Variants in CTAGE1 observed in about 807,000 individuals in gnomAD.
CTAGE1 encodes the protein cTAGE family member 2.
For missense variants in CTAGE1, 963 were observed against 855.9 expected, an observed-to-expected ratio of 1.13 and a Z score of -1.56; for synonymous variants, 332 against 302.8, an observed-to-expected ratio of 1.10 and a Z score of -1.00.
rs373783585 is a variant in CTAGE1, at chr18:22,416,093, C to G, written c.1719G>C (p.Arg573Ser). 6.2e-7 allele frequency: 1 copy of G among 1,613,926 alleles called. No homozygotes were observed. The highest frequency in any genetic ancestry group is 1.7e-5 in the Admixed American group (1 of 60,024). Residue 573 changes from arginine (R) to serine (S), a missense_variant, in exon 1 of 1, where the codon AGG (arginine) becomes AGC (serine). By Grantham distance (110) the Arg-to-Ser change is moderately radical. Coordinates refer to ENST00000391403, the MANE Select transcript of CTAGE1 (RefSeq NM_172241.3). The part of the protein sequence containing the change: ...PLAPPWEQDY[R>S]MMFPPPGQSY... ...ATTGTCCTGGTGGAGGAAACATCAT[C>G]CTATAGTCCTGTTCCCACGGAGGTG...
In CTAGE1 at chr18:22,415,730, T is replaced by C. The variant is rs751633974; in HGVS notation, c.2082A>G (p.Gly694=). Residue 694 remains glycine (G), a synonymous_variant, in exon 1 of 1, where the codon GGA becomes GGG. Coordinates refer to ENST00000391403, the MANE Select transcript of CTAGE1 (RefSeq NM_172241.3). ...RGPPFPPPPP[G]TVFGASPDYF... ...AATCTGGAGAAGCTCCAAACACGGT[T>C]CCTGGAGGAGGTGGGGGGAAAGGAG... 5 of 1,614,042 alleles carry C rather than the reference T, an allele frequency of 3.1e-6. No individual in the cohort carries two copies. Among genetic ancestry groups the C allele is most frequent in the Non-Finnish European group, 4.2e-6 (5 of 1,179,978 alleles).
In CTAGE1 at chr18:22,416,967, G is replaced by A. The variant is rs201580348; in HGVS notation, c.845C>T (p.Ala282Val). 1 of 1,613,978 alleles carries A rather than the reference G, an allele frequency of 6.2e-7. No homozygotes were observed. The highest frequency in any genetic ancestry group is 1.1e-5 in the South Asian group (1 of 91,070). The change falls in exon 1 of 1, where the codon GCT (alanine) becomes GTT (valine). Residue 282 changes from alanine to valine, a missense_variant. Transcript: ENST00000391403. Reference protein sequence around the residue: ...GAYLDNPPKGALKKLIHAAKL... With the variant: ...GAYLDNPPKGVLKKLIHAAKL... ...AGCAGCATGAATCAGTTTCTTCAAA[G>A]CTCCTTTTGGAGGATTATCTAAGTA... is the stretch of plus-strand genomic sequence containing the variant.
rs761505835 is a variant in CTAGE1, at chr18:22,415,585, G to A, written c.2227C>T (p.Pro743Ser). The change falls in exon 1 of 1, where the codon CCC (proline) becomes TCC (serine). Residue 743 changes from proline to serine, a missense_variant. Physicochemically the swap from Pro to Ser is moderately conservative, Grantham distance 74. Transcript: ENST00000391403. ...AACTCATTCTACCTTCAGAATGTGGGGGCTGGGGGGAAAAATGCAGGTCTT... is the reference window on the plus strand; with the variant it reads ...AACTCATTCTACCTTCAGAATGTGGAGGCTGGGGGGAAAAATGCAGGTCTT... The part of the protein sequence containing the change: ...PPRPAFFPPA[P>S]TF 22 of 1,602,618 alleles carry A rather than the reference G, an allele frequency of 1.4e-5. No homozygotes were observed. In the African/African-American group the frequency reaches 2.0e-4, roughly 15 times the overall value.
In CTAGE1 at chr18:22,417,070, C is replaced by A; in HGVS notation, c.742G>T (p.Val248Phe). 4 of 1,613,970 alleles carry A rather than the reference C, an allele frequency of 2.5e-6. No homozygotes were observed. Among genetic ancestry groups the A allele is most frequent in the Non-Finnish European group, 2.5e-6 (3 of 1,179,860 alleles). The stretch of plus-strand genomic sequence containing the variant: ...GTTACATCTTCTTCAAGCATAGCAA[C>A]CCCATCTTTCATCTTTAGCAAGCGT... ...TERLLKMKDG[V>F]AMLEEDVTDD... is the part of the protein sequence containing the mutation. Residue 248 changes from valine (V) to phenylalanine (F), a missense_variant, in exon 1 of 1, where the codon GTT becomes TTT. Physicochemically the swap from Val to Phe is conservative, Grantham distance 50. Coordinates refer to ENST00000391403, the MANE Select transcript of CTAGE1 (RefSeq NM_172241.3).
Position 22,417,722 on chromosome 18 carries a change from C to G in CTAGE1, c.90G>C (p.Trp30Cys). The G allele has an allele frequency of 6.2e-7, 1 of 1,614,156 alleles. No individual in the cohort carries two copies. Among genetic ancestry groups the G allele is most frequent in the South Asian group, 1.1e-5 (1 of 91,076 alleles). Residue 30 changes from tryptophan (W) to cysteine (C), a missense_variant, in exon 1 of 1, where the codon TGG becomes TGC. Physicochemically the swap from Trp to Cys is radical, Grantham distance 215 (BLOSUM62 -2). Coordinates refer to ENST00000391403, the MANE Select transcript of CTAGE1 (RefSeq NM_172241.3). ...VAGFFAVLFL[W>C]RSFRSVTSRL... ...GACTCGTAACTGATCTAAAACTTCT[C>G]CACAAGAAGAGAACAGCAAAAAATC...
rs768556331 is a variant in CTAGE1, at chr18:22,415,635, C to G, written c.2177G>C (p.Arg726Thr). 2.5e-6 allele frequency: 4 copies of G among 1,613,926 alleles called. No homozygotes were observed. The highest frequency in any genetic ancestry group is 2.7e-5 in the African/African-American group (2 of 74,886). Residue 726 changes from arginine (R) to threonine (T), a missense_variant, in exon 1 of 1, where the codon AGA becomes ACA. By Grantham distance (71) the Arg-to-Thr change is moderately conservative. Transcript: ENST00000391403. ...TGGGGGACGGTAAGGAAGAAAACCT[C>G]TCGGTAAATAGACATTTCTCATTGC... ...PFAMRNVYLP[R>T]GFLPYRPPRP... is the part of the protein sequence containing the mutation.
At position 22,415,766 on chromosome 18, in the gene CTAGE1, T is replaced by C. The variant is rs61747183; in HGVS notation, c.2046A>G (p.Ile682Met). The change falls in exon 1 of 1, where the codon ATA (isoleucine) becomes ATG (methionine). Residue 682 changes from isoleucine (I) to methionine (M), a missense_variant. By Grantham distance (10) the Ile-to-Met change is conservative. Transcript: ENST00000391403. ...LFPVDTRGPF[I>M]RRGPPFPPPP... is the part of the protein sequence containing the mutation. The stretch of plus-strand genomic sequence containing the variant: ...GTGGGGGGAAAGGAGGTCCTCTTCT[T>C]ATGAACGGGCCCCTTGTATCTACTG... 8,122 of 1,612,830 alleles carry C rather than the reference T, an allele frequency of 5.0e-3. 144 individuals are homozygous for C. The African/African-American group carries it at 0.052, about 10-fold the overall frequency.
Position 22,417,249 on chromosome 18 carries a change from A to G in CTAGE1, c.563T>C (p.Leu188Pro). Residue 188 changes from leucine (L) to proline (P), a missense_variant, in exon 1 of 1, where the codon CTT becomes CCT. Coordinates refer to ENST00000391403, the MANE Select transcript of CTAGE1 (RefSeq NM_172241.3). ...CAAAAGCTGTTTCTGGCTTTCCTGA[A>G]GTTCAGAATTTTCTTTCCAAGCATC... ...IQDAWKENSELQESQKQLLQE... is the reference protein window; with the variant it reads ...IQDAWKENSEPQESQKQLLQE... 6.2e-7 allele frequency: 1 copy of G among 1,613,888 alleles called. No individual in the cohort carries two copies. Among genetic ancestry groups the G allele is most frequent in the South Asian group, 1.1e-5 (1 of 91,070 alleles).
At position 22,417,900 on chromosome 18, in the gene CTAGE1, G is replaced by C; in HGVS notation, c.-89C>G. The C allele has an allele frequency of 7.8e-7, 1 of 1,288,346 alleles. No individual in the cohort carries two copies. Among genetic ancestry groups the C allele is most frequent in the Non-Finnish European group, 1.1e-6 (1 of 900,766 alleles). 79.8% of individuals were successfully genotyped at this position (1,288,346 alleles called of 1,614,324 possible). A position where few individuals can be genotyped will look rare whatever the true frequency, so the allele number is the denominator to read the frequency against. ...AGGGTTAGCCCTAGGCTCCTCCGTA[G>C]CGCCAAGGCTGCTCTGGCGGTTGCT... On this transcript the variant is annotated 5_prime_UTR_variant, in exon 1 of 1. Transcript: ENST00000391403.
Position 22,416,744 on chromosome 18 carries a change from A to G in CTAGE1, c.1068T>C (p.Thr356=). The part of the protein sequence containing the change: ...QKLQQKLKVM[T]ELYQENEMKL... ...TCATTTCATTTTCTTGATATAATTC[A>G]GTCATTACTTTAAGTTTCTGCTGAA... Residue 356 remains threonine, a synonymous_variant, in exon 1 of 1, where the codon ACT becomes ACC. Transcript: ENST00000391403. 6.2e-7 allele frequency: 1 copy of G among 1,612,590 alleles called. No homozygotes were observed. Among genetic ancestry groups the G allele is most frequent in the South Asian group, 1.1e-5 (1 of 90,596 alleles).
rs762974650 is a variant in CTAGE1 at position 22,417,702 on chromosome 18, G to C, written c.110C>G (p.Thr37Arg). The C allele has an allele frequency of 6.2e-7, 1 of 1,614,076 alleles. No homozygotes were observed. Residue 37 changes from threonine to arginine, a missense_variant, in exon 1 of 1, where the codon ACG becomes AGG. Thr to Arg is a moderately conservative substitution (Grantham distance 71). Transcript: ENST00000391403. Reference sequence around the variant, plus strand: ...CTCTCTTCTCACATAAAGCCGACTCGTAACTGATCTAAAACTTCTCCACAA... The same window carrying C: ...CTCTCTTCTCACATAAAGCCGACTCCTAACTGATCTAAAACTTCTCCACAA... ...LFLWRSFRSV[T>R]SRLYVRREKK... is the part of the protein sequence containing the mutation.
At position 22,415,590 on chromosome 18, in the gene CTAGE1, G is replaced by C. The variant is rs1283931790; in HGVS notation, c.2222C>G (p.Pro741Arg). ...YRPPRPAFFP[P>R]APTF The stretch of plus-strand genomic sequence containing the variant: ...ATTCTACCTTCAGAATGTGGGGGCT[G>C]GGGGGAAAAATGCAGGTCTTGGGGG... The change falls in exon 1 of 1, where the codon CCA (proline) becomes CGA (arginine). Residue 741 changes from proline (P) to arginine (R), a missense_variant. Transcript: ENST00000391403. 6.2e-7 allele frequency: 1 copy of C among 1,601,250 alleles called. No individual in the cohort carries two copies. Among genetic ancestry groups the C allele is most frequent in the African/African-American group, 1.3e-5 (1 of 74,388 alleles).
chr18:22,415,246 A>C lies in CTAGE1; in HGVS notation c.*328T>G, dbSNP rs537321940. 7.7e-6 allele frequency: 2 copies of C among 258,266 alleles called. No homozygotes were observed. Among genetic ancestry groups the C allele is most frequent in the African/African-American group, 2.2e-5 (1 of 44,968 alleles). 16.0% of individuals were successfully genotyped at this position (258,266 alleles called of 1,614,324 possible). A position where few individuals can be genotyped will look rare whatever the true frequency, so the allele number is the denominator to read the frequency against. ...GCAAGATTACATATATAAAGCTCCC[A>C]CCATTCTTTATATAATAGTGGATTA... On this transcript the variant is annotated 3_prime_UTR_variant, in exon 1 of 1. Coordinates refer to ENST00000391403, the MANE Select transcript of CTAGE1 (RefSeq NM_172241.3).
chr18:22,416,633 AT>A lies in CTAGE1; in HGVS notation c.1178del (p.His393LeufsTer54). ...GGTAGGTCTCCAGCTCTTCAGTGGC[AT>A]GGCTGATCATTTCGTCTACTTTAGA... The part of the protein sequence containing the change: ...KLSKVDEMIS[H>X]ATEELETYRK... On this transcript the variant is annotated frameshift_variant, in exon 1 of 1. Coordinates refer to ENST00000391403, the MANE Select transcript of CTAGE1 (RefSeq NM_172241.3). LOFTEE classifies it low-confidence loss of function (END_TRUNC). 1.9e-6 allele frequency: 3 copies of A among 1,613,804 alleles called. No individual in the cohort carries two copies. The highest frequency in any genetic ancestry group is 2.5e-6 in the Non-Finnish European group (3 of 1,179,964).
rs757601978 is a variant in CTAGE1 at position 22,416,053 on chromosome 18, C to A, written c.1759G>T (p.Ala587Ser). ...CTGTCTTGCCTTTGTGGAGGGAGAG[C>A]TGAATCAGGATATGATTGTCCTGGT... ...PPPGQSYPDS[A>S]LPPQRQDRFY... Residue 587 changes from alanine (A) to serine (S), a missense_variant, in exon 1 of 1, where the codon GCT becomes TCT. Transcript: ENST00000391403. 19 of 1,613,842 alleles carry A rather than the reference C, an allele frequency of 1.2e-5. No individual in the cohort carries two copies. The highest frequency in any genetic ancestry group is 7.7e-5 in the South Asian group (7 of 91,078).
Position 22,415,903 on chromosome 18 carries a change from C to A in CTAGE1, c.1909G>T (p.Asp637Tyr). Residue 637 changes from aspartate to tyrosine, a missense_variant, in exon 1 of 1, where the codon GAT (aspartate) becomes TAT (tyrosine). By Grantham distance (160) the Asp-to-Tyr change is radical. Transcript: ENST00000391403. The stretch of plus-strand genomic sequence containing the variant: ...GGCACCTTTAAATTACCAAGATTAT[C>A]TTTGGTATCATTTCTACTGGATTCC... The part of the protein sequence containing the change: ...EMESSRNDTK[D>Y]NLGNLKVPDS... 1 of 1,613,908 alleles carries A rather than the reference C, an allele frequency of 6.2e-7. No individual in the cohort carries two copies. The highest frequency in any genetic ancestry group is 1.1e-5 in the South Asian group (1 of 91,062).
rs1436955347 is a variant in CTAGE1 at position 22,413,609 on chromosome 18, T to C, written c.*1965A>G. The C allele has an allele frequency of 1.3e-5, 2 of 152,260 alleles. No homozygotes were observed. The highest frequency in any genetic ancestry group is 2.9e-5 in the Non-Finnish European group (2 of 68,036). The allele number at this position is 152,260 out of a possible 1,614,324, so 9.4% of individuals were successfully genotyped here. A position where few individuals can be genotyped will look rare whatever the true frequency, so the allele number is the denominator to read the frequency against. ...AAGATTGACTCAACATGGATTTTTA[T>C]ACTTATTCACTCTTTATTATTTCAA... On this transcript the variant is annotated 3_prime_UTR_variant, in exon 1 of 1. Coordinates refer to ENST00000391403, the MANE Select transcript of CTAGE1 (RefSeq NM_172241.3).
rs758818191 is a variant in CTAGE1, at chr18:22,415,998, C to T, written c.1814G>A (p.Gly605Glu). ...ATTAAAACTTCTGAGTTCTGCTGGT[C>T]CAGAGAGTCTAGCACAATTAGAATA... ...RFYSNCARLS[G>E]PAELRSFNMP... Residue 605 changes from glycine to glutamate, a missense_variant, in exon 1 of 1, where the codon GGA (glycine) becomes GAA (glutamate). Gly to Glu is a moderately conservative substitution (Grantham distance 98). Transcript: ENST00000391403. The T allele has an allele frequency of 7.4e-6, 12 of 1,613,764 alleles. No homozygotes were observed. The highest frequency in any genetic ancestry group is 1.0e-5 in the Non-Finnish European group (12 of 1,179,864).
At position 22,414,880 on chromosome 18, in the gene CTAGE1, G is replaced by GT; in HGVS notation, c.*693_*694insA. The GT allele has an allele frequency of 1.5e-6, 1 of 686,848 alleles. No homozygotes were observed. The highest frequency in any genetic ancestry group is 2.6e-6 in the Non-Finnish European group (1 of 379,704). The allele number at this position is 686,848 out of a possible 1,614,324, so 42.5% of individuals were successfully genotyped here. On this transcript the variant is annotated 3_prime_UTR_variant, in exon 1 of 1. Coordinates refer to ENST00000391403, the MANE Select transcript of CTAGE1 (RefSeq NM_172241.3). Reference sequence around the variant, plus strand: ...AGGAAGAAATTAGCTTAGGGAAGACGAAGGGAAGGAAAGGGAGGGCGAAGA... The same window carrying GT: ...AGGAAGAAATTAGCTTAGGGAAGACGTAAGGGAAGGAAAGGGAGGGCGAAGA...
Sources: gnomAD v4.1 joint callset for allele counts on GRCh38, gnomAD v4.1.1 for gene constraint, MANE v1.5 for transcripts, NCBI Gene and HGNC (gene_info 2026-07-23, HGNC 2026-07-21) for gene names.